The following LMBR1 variants were observed in gnomAD, a reference collection of about 807,000 sequenced individuals.
LMBR1 encodes the protein limb development membrane protein 1.
In LMBR1, 52 loss-of-function variants were observed where a neutral mutation model predicts 73.9. The observed-to-expected ratio is 0.70, with a 90% CI of 0.56 to 0.89. The LOEUF (loss-of-function observed/expected upper bound fraction) is 0.89. LMBR1 is among the 40% of genes least tolerant of loss of function. LMBR1 has a pLI of 0.00. For missense variants in LMBR1, 539 were observed against 579.8 expected, an observed-to-expected ratio of 0.93 and a Z score of 0.72; for synonymous variants, 215 against 209.4, an observed-to-expected ratio of 1.03 and a Z score of -0.23.
Position 156,796,374 on chromosome 7 carries a change from A to G in LMBR1, c.423+15T>C, listed in dbSNP as rs751623672. On this transcript the variant is annotated intron_variant, in intron 5 of 16. Coordinates refer to ENST00000353442, the MANE Select transcript of LMBR1 (RefSeq NM_022458.4). ...CTCACTTAACCAATTTAATTCCAATACTAGATTCACTTACCTTTTTCAGGC... is the reference window on the plus strand; with the variant it reads ...CTCACTTAACCAATTTAATTCCAATGCTAGATTCACTTACCTTTTTCAGGC... 6.4e-7 allele frequency: 1 copy of G among 1,550,546 alleles called. No homozygotes were observed.
chr7:156,691,079 AT>A, intron 15 of LMBR1, among the ~76,000 whole-genome samples: 1 of 152,318 alleles, frequency 6.6e-6, no homozygotes, highest in East Asian at 1.9e-4. Flanking sequence ...AACCAAGCAA[AT>A]TTTTTAAAAT....
chr7:156,671,572 C>T (rs1294101465), intron 4 of LMBR1, among the ~76,000 whole-genome samples: 19 of 151,636 alleles, frequency 1.3e-4, no homozygotes, highest in Admixed American at 6.6e-5. Flanking sequence ...TAGGTCGAGA[C>T]ATTTATGTTT....
At position 156,725,290 on chromosome 7, in the gene LMBR1, T is replaced by C. The variant is rs546553328; in HGVS notation, c.1158+145A>G. 9.8e-5 allele frequency: 55 copies of C among 563,232 alleles called. No individual in the cohort carries two copies. The South Asian group carries it at 1.5e-3, about 16-fold the overall frequency. The allele number at this position is 563,232 out of a possible 1,614,324, so 34.9% of individuals were successfully genotyped here. A position where few individuals can be genotyped will look rare whatever the true frequency, so the allele number is the denominator to read the frequency against. On this transcript the variant is annotated intron_variant, in intron 14 of 16. Transcript: ENST00000353442. ...ACATCCCTTTCCCACTCACTCAGCA[T>C]TTTGAAAATCTTCCAGTTTGTGTTT...
chr7:156,822,182 A>G (rs985675291), intron 4 of LMBR1: 5 of 152,372 alleles, frequency 3.3e-5, no homozygotes, highest in Non-Finnish European at 7.3e-5. Context: ...TGGCATAGGA[A>G]TAGACAGACA....
chr7:156,841,404 C>G (rs911840503), intron 1 of LMBR1, among the ~76,000 whole-genome samples: 9 of 152,032 alleles, frequency 5.9e-5, no homozygotes, highest in Non-Finnish European at 2.9e-5. Flanking sequence ...TATTTAAAGT[C>G]CTGAGACTAG....
intron 1 of LMBR1, among the ~76,000 whole-genome samples, chr7:156,853,901 C>A (rs1018607356): frequency 2.6e-5 from 4 of 151,550 alleles, no homozygotes; most frequent in Admixed American, 6.6e-5. Context: ...GTGATCCACC[C>A]ACCTCAGCCT....
intron 1 of LMBR1, among the ~76,000 whole-genome samples, chr7:156,861,530 C>T (rs768665083): frequency 5.9e-5 from 9 of 152,210 alleles, no homozygotes; most frequent in Admixed American, 5.9e-4. Flanking sequence ...CTCCTCATTA[C>T]TTATGCAAAT....
At chr7:156,869,346 T>C (rs1025631325) in intron 1 of LMBR1, among the ~76,000 whole-genome samples, 1 of 152,186 alleles carries the variant, frequency 6.6e-6, no homozygotes, top group African/African-American at 2.4e-5. Context: ...CTCGGAGACT[T>C]TATATTCTGT....
At chr7:156,816,805 TACATCA>T (rs1833986625) in intron 4 of LMBR1, among the ~76,000 whole-genome samples, 1 of 152,178 alleles carries the variant, frequency 6.6e-6, no homozygotes, top group Non-Finnish European at 1.5e-5. Flanking sequence ...TTTATAAATA[TACATCA>T]ACATACACAC....
chr7:156,813,698 C>A (rs2133644055), intron 4 of LMBR1, among the ~76,000 whole-genome samples: 1 of 152,226 alleles, frequency 6.6e-6, no homozygotes, highest in East Asian at 1.9e-4. Flanking sequence ...CTATTATGTT[C>A]TTTGATACAC....
At chr7:156,843,819 G>T in intron 1 of LMBR1, among the ~76,000 whole-genome samples, 1 of 136,778 alleles carries the variant, frequency 7.3e-6, no homozygotes. Context: ...CTGGGCAACA[G>T]AGCAAGACCC....
chr7:156,786,014 G>T (rs186940594), intron 5 of LMBR1, among the ~76,000 whole-genome samples: 1 of 152,248 alleles, frequency 6.6e-6, no homozygotes, highest in East Asian at 1.9e-4. Context: ...CAGCAGACTA[G>T]TGACATTGAG....
chr7:156,808,675 G>A (rs926481680), intron 4 of LMBR1, among the ~76,000 whole-genome samples: 5 of 152,066 alleles, frequency 3.3e-5, no homozygotes, highest in Admixed American at 2.0e-4. Flanking sequence ...CACAGATTAA[G>A]TATTTTTTAT....
At chr7:156,718,801 C>A (rs1464344646) in intron 15 of LMBR1, among the ~76,000 whole-genome samples, 1 of 151,914 alleles carries the variant, frequency 6.6e-6, no homozygotes, top group Non-Finnish European at 1.5e-5. Flanking sequence ...ACAAATTAGA[C>A]CCTTACGATC....
In LMBR1 at chr7:156,683,741, G is replaced by C. The variant is rs1197039141; in HGVS notation, c.*337C>G. 5.0e-6 allele frequency: 1 copy of C among 198,784 alleles called. No homozygotes were observed. Among genetic ancestry groups the C allele is most frequent in the Non-Finnish European group, 1.0e-5 (1 of 99,244 alleles). The allele number at this position is 198,784 out of a possible 1,614,324, so 12.3% of individuals were successfully genotyped here. ...TAAATCTTTAGAAGTCCCGGAGTTT[G>C]CCTTTTCTAACATTTTCATATCAGG... On this transcript the variant is annotated 3_prime_UTR_variant, in exon 17 of 17. Transcript: ENST00000353442.
intron 13 of LMBR1, 107 bp downstream of exon 13, chr7:156,725,657 C>T (rs961789845): frequency 7.2e-6 from 9 of 1,242,802 alleles, no homozygotes; most frequent in Non-Finnish European, 1.0e-5. Flanking sequence ...GGAAGACTAA[C>T]CTGTTGTTTT....
At chr7:156,811,993 CCT>C (rs150137969) in intron 4 of LMBR1, among the ~76,000 whole-genome samples, 2,351 of 152,244 alleles carry the variant, frequency 0.015, 52 homozygotes, top group African/African-American at 0.053. Context: ...AGCTTTCTTC[CCT>C]GTGTGTCTGT....
chr7:156,787,527 G>C (rs1215037430), intron 5 of LMBR1, among the ~76,000 whole-genome samples: 1 of 152,146 alleles, frequency 6.6e-6, no homozygotes, highest in African/African-American at 2.4e-5. Context: ...AATAAAGCCT[G>C]ATGTAGAAAA....
chr7:156,672,404 G>A (rs1802749012), intron 4 of LMBR1, among the ~76,000 whole-genome samples: 1 of 152,148 alleles, frequency 6.6e-6, no homozygotes, highest in Admixed American at 6.5e-5. Context: ...CACAGTGACT[G>A]AGGCAGAAGG....
Sources: gnomAD v4.1 joint callset for allele counts (sites outside exome capture counted in the v4.1 genomes callset) on GRCh38, gnomAD v4.1.1 for gene constraint, MANE v1.5 for transcripts, NCBI Gene and HGNC (gene_info 2026-07-23, HGNC 2026-07-21) for gene names.